LAP3: variants seen among roughly 807,000 people sequenced by gnomAD.
LAP3 encodes leucine aminopeptidase 3, also known as cytosol aminopeptidase.
A neutral mutation model predicts 58.8 loss-of-function variants in LAP3; 46 were observed. That is an observed-to-expected ratio of 0.78 (90% CI 0.62 to 1.00). LAP3 has a LOEUF of 1.00. LAP3 is among the 50% of genes least tolerant of loss of function. The pLI, the probability that LAP3 is intolerant of heterozygous loss-of-function variation, is 0.00. For synonymous variants in LAP3, 257 were observed against 237.7 expected (o/e 1.08, Z -0.75); for missense variants, 615 against 659.1 (o/e 0.93, Z 0.73).
rs751135734 is a variant in LAP3, at chr4:17,582,342, G to A, written c.328G>A (p.Glu110Lys). Residue 110 changes from glutamate to lysine, a missense_variant, in exon 4 of 13, where the codon GAA becomes AAA. Coordinates refer to ENST00000226299, the MANE Select transcript of LAP3 (RefSeq NM_015907.3). ...CGGCAAAAAGGCAGCTGGAATCGAC[G>A]AACAGGAAAACTGGCATGAAGGCAA... Reference protein sequence around the residue: ...GLGKKAAGIDEQENWHEGKEN... With the variant: ...GLGKKAAGIDKQENWHEGKEN... 7.4e-6 allele frequency: 12 copies of A among 1,613,984 alleles called. No individual in the cohort carries two copies. In the Admixed American group the frequency reaches 8.3e-5, roughly 11 times the overall value.
At chr4:17,604,694 T>C (rs1238254168) in intron 11 of LAP3, 27 bp downstream of exon 11, 2 of 1,468,534 alleles carry the variant, frequency 1.4e-6, no homozygotes, top group South Asian at 2.3e-5. Context: ...TATATCTAAA[T>C]TGTAGAGATG....
Position 17,607,762 on chromosome 4 carries a change from A to G in LAP3, c.*173A>G, listed in dbSNP as rs577238316. ...TTTTTTTCATTTCACACAAAGATTT[A>G]TAAAGGTAAAGTTAATATCTTACTT... On this transcript the variant is annotated 3_prime_UTR_variant, in exon 13 of 13. Transcript: ENST00000226299. The G allele has an allele frequency of 3.8e-6, 2 of 529,758 alleles. No individual in the cohort carries two copies. Among genetic ancestry groups the G allele is most frequent in the East Asian group, 6.1e-5 (2 of 33,044 alleles). 32.8% of individuals were successfully genotyped at this position (529,758 alleles called of 1,614,324 possible).
intron 5 of LAP3, 104 bp downstream of exon 5, chr4:17,583,746 G>C: frequency 7.6e-7 from 1 of 1,316,074 alleles, no homozygotes; most frequent in Non-Finnish European, 1.1e-6. Context: ...ACAGCTGCGT[G>C]GCTTGGCTGT....
chr4:17,579,626 TGGCAGGAATCTGAAACACTTG>T (rs1713297980), intron 1 of LAP3, among the ~76,000 whole-genome samples, 177 bp from the exon 2 acceptor site: 1 of 152,172 alleles, frequency 6.6e-6, no homozygotes, highest in African/African-American at 2.4e-5. Flanking sequence ...GGTCTTGCTT[TGGCAGGAATCTGAAACACTTG>T]GGCAGGTGCA....
At chr4:17,606,784 C>A (rs749251715) in intron 11 of LAP3, 45 bp from the exon 12 acceptor site, 2 of 1,342,614 alleles carry the variant, frequency 1.5e-6, no homozygotes, top group Non-Finnish European at 2.1e-6. Context: ...GAATTTCCCA[C>A]AACCTGCCTC....
chr4:17,601,764 C>T (rs1347261778), intron 10 of LAP3, among the ~76,000 whole-genome samples: 1 of 152,080 alleles, frequency 6.6e-6, no homozygotes, highest in Non-Finnish European at 1.5e-5. Context: ...ATTCGTTACA[C>T]TGTATTGTTT....
rs1713222175 is a variant in LAP3, at chr4:17,577,341, C to CGCCCGGCGCCCGAGCCA, written c.-123_-107dup. ...CCCGCCCCCTAGACGCACGTCCGCT[C>CGCCCGGCGCCCGAGCCA]GCCCGGCGCCCGAGCCAGTCCGCGC... On this transcript the variant is annotated 5_prime_UTR_variant, in exon 1 of 13. Transcript: ENST00000226299. The CGCCCGGCGCCCGAGCCA allele has an allele frequency of 4.1e-6, 2 of 492,904 alleles. No homozygotes were observed. The highest frequency in any genetic ancestry group is 6.2e-6 in the Non-Finnish European group (2 of 321,968). The allele number at this position is 492,904 out of a possible 1,614,324, so 30.5% of individuals were successfully genotyped here.
Position 17,577,498 on chromosome 4 carries a change from A to T in LAP3, c.33A>T (p.Arg11=), listed in dbSNP as rs762206379. The T allele has an allele frequency of 6.3e-7, 1 of 1,584,736 alleles. No homozygotes were observed. The highest frequency in any genetic ancestry group is 8.6e-7 in the Non-Finnish European group (1 of 1,167,292). The change falls in exon 1 of 13, where the codon CGA becomes CGT. Residue 11 remains arginine, a synonymous_variant. Transcript: ENST00000226299. The part of the protein sequence containing the change: MFLLPLPAAG[R]VVVRRLAVRR... ...TGCTGCCTCTTCCGGCTGCGGGGCG[A>T]GTAGTCGTCCGACGTCTGGCCGTGA...
chr4:17,587,848 A>G (rs1164579937), intron 6 of LAP3, among the ~76,000 whole-genome samples: 1 of 152,248 alleles, frequency 6.6e-6, no homozygotes, highest in Non-Finnish European at 1.5e-5. Context: ...TGACAACATT[A>G]AAAAGATAGA....
At chr4:17,592,861 T>G (rs1713722836) in intron 7 of LAP3, among the ~76,000 whole-genome samples, 1 of 152,204 alleles carries the variant, frequency 6.6e-6, no homozygotes, top group African/African-American at 2.4e-5. Context: ...CAGGCTGGAG[T>G]GCACCTCGGC....
At position 17,577,227 on chromosome 4, in the gene LAP3, G is replaced by GGCGCACACGAATGCGC. The variant is rs1560339579; in HGVS notation, c.-224_-223insCGCGCACACGAATGCG. Reference sequence around the variant, plus strand: ...ACGAATGCGGGCGCACACGAATGCGGGCGCACACGAATGCGGGCGCACCCT... The same window carrying GGCGCACACGAATGCGC: ...ACGAATGCGGGCGCACACGAATGCGGGCGCACACGAATGCGCGCGCACACGAATGCGGGCGCACCCT... On this transcript the variant is annotated 5_prime_UTR_variant, in exon 1 of 13. In the 5' UTR this introduces an upstream ATG that the reference lacks. Transcript: ENST00000226299. The GGCGCACACGAATGCGC allele has an allele frequency of 2.7e-6, 1 of 368,690 alleles. No individual in the cohort carries two copies. Among genetic ancestry groups the GGCGCACACGAATGCGC allele is most frequent in the African/African-American group, 2.2e-5 (1 of 46,070 alleles). 22.8% of individuals were successfully genotyped at this position (368,690 alleles called of 1,614,324 possible).
In LAP3 at chr4:17,590,922, AC is replaced by A. The variant is rs1173282430; in HGVS notation, c.863+1946del. On this transcript the variant is annotated intron_variant, in intron 7 of 12. Transcript: ENST00000226299. ...CAGCAAACACAATTTAGAAAGTTAA[AC>A]TTTTTTTTTTTTTTTTTTTTTTTTT... Among the ~76,000 whole-genome samples the A allele has an allele frequency of 2.2e-4, 30 of 135,112 alleles. No individual in the cohort carries two copies. In the East Asian group the frequency reaches 5.4e-3, roughly 24 times the overall value. 88.6% of individuals were successfully genotyped at this position (135,112 alleles called of 152,430 possible). A position where few individuals can be genotyped will look rare whatever the true frequency, so the allele number is the denominator to read the frequency against.
Position 17,582,284 on chromosome 4 carries a change from A to G in LAP3, c.274-4A>G, listed in dbSNP as rs1280201560. On this transcript the variant is annotated splice_region_variant and splice_polypyrimidine_tract_variant and intron_variant, in intron 3 of 12. Transcript: ENST00000226299. Reference sequence around the variant, plus strand: ...GTGGTTGATTTGGTGTATCTGTGGGACAGGACTTCCCCAGCGTGGTGCTAG... The same window carrying G: ...GTGGTTGATTTGGTGTATCTGTGGGGCAGGACTTCCCCAGCGTGGTGCTAG... 8 of 1,612,442 alleles carry G rather than the reference A, an allele frequency of 5.0e-6. No individual in the cohort carries two copies. Among genetic ancestry groups the G allele is most frequent in the Non-Finnish European group, 5.9e-6 (7 of 1,178,582 alleles).
rs1026498277 is a variant in LAP3 at position 17,577,493 on chromosome 4, G to A, written c.28G>A (p.Gly10Arg). The A allele has an allele frequency of 4.4e-6, 7 of 1,584,272 alleles. No individual in the cohort carries two copies. The highest frequency in any genetic ancestry group is 6.0e-6 in the Non-Finnish European group (7 of 1,167,022). ...GTTCTTGCTGCCTCTTCCGGCTGCGGGGCGAGTAGTCGTCCGACGTCTGGC... is the reference window on the plus strand; with the variant it reads ...GTTCTTGCTGCCTCTTCCGGCTGCGAGGCGAGTAGTCGTCCGACGTCTGGC... MFLLPLPAA[G>R]RVVVRRLAVR... Residue 10 changes from glycine to arginine, a missense_variant, in exon 1 of 13, where the codon GGG (glycine) becomes AGG (arginine). Physicochemically the swap from Gly to Arg is moderately radical, Grantham distance 125 (BLOSUM62 -2). Coordinates refer to ENST00000226299, the MANE Select transcript of LAP3 (RefSeq NM_015907.3).
rs189190228 is a variant in LAP3 at position 17,585,073 on chromosome 4, G to A, written c.641G>A (p.Arg214Lys). Reference sequence around the variant, plus strand: ...CCAGCCAATGAGATGACGCCAACCAGATTTGCTGAAATTATTGAGAAGAAT... The same window carrying A: ...CCAGCCAATGAGATGACGCCAACCAAATTTGCTGAAATTATTGAGAAGAAT... The part of the protein sequence containing the change: ...ETPANEMTPT[R>K]FAEIIEKNLK... The change falls in exon 6 of 13, where the codon AGA (arginine) becomes AAA (lysine). Residue 214 changes from arginine to lysine, a missense_variant. Arg to Lys is a conservative substitution (Grantham distance 26, BLOSUM62 2). Transcript: ENST00000226299. 23 of 1,614,058 alleles carry A rather than the reference G, an allele frequency of 1.4e-5. No homozygotes were observed. In the Admixed American group the frequency reaches 3.5e-4, roughly 25 times the overall value.
intron 1 of LAP3, among the ~76,000 whole-genome samples, chr4:17,579,356 T>C (rs1214780742): frequency 6.6e-6 from 1 of 152,218 alleles, no homozygotes; most frequent in Non-Finnish European, 1.5e-5. Context: ...CATGGGAATT[T>C]GTGTGACCTG....
chr4:17,587,910 T>G (rs1713569012), intron 6 of LAP3, among the ~76,000 whole-genome samples: 1 of 151,900 alleles, frequency 6.6e-6, no homozygotes, highest in Non-Finnish European at 1.5e-5. Context: ...TTCCAGTCAT[T>G]GGGATATAGC....
chr4:17,600,088 C>T (rs1223315643), intron 10 of LAP3, among the ~76,000 whole-genome samples: 1 of 152,148 alleles, frequency 6.6e-6, no homozygotes, highest in Non-Finnish European at 1.5e-5. Context: ...ATCTTGCATC[C>T]AAATGTTCTC....
At chr4:17,604,740 T>A in intron 11 of LAP3, 73 bp downstream of exon 11, 1 of 1,146,838 alleles carries the variant, frequency 8.7e-7, no homozygotes, top group Non-Finnish European at 1.3e-6. Flanking sequence ...AGGATAGACT[T>A]CTTCAACCCT....
Sources: gnomAD v4.1 joint callset for allele counts (sites outside exome capture counted in the v4.1 genomes callset) on GRCh38, gnomAD v4.1.1 for gene constraint, MANE v1.5 for transcripts, NCBI Gene and HGNC (gene_info 2026-07-23, HGNC 2026-07-21) for gene names.